The following ASIC2 variants were observed in gnomAD, a reference collection of about 807,000 sequenced individuals.
ASIC2 encodes acid-sensing ion channel 2.
Under a neutral mutation model 57.3 loss-of-function variants are expected in ASIC2, and 25 were observed. That is an observed-to-expected ratio of 0.44 (90% CI 0.32 to 0.61). The LOEUF is 0.61. Ranked by LOEUF, ASIC2 falls within the 20% of genes least tolerant of loss-of-function variation. The pLI is 0.06. For missense variants in ASIC2, 641 were observed against 738.1 expected, an observed-to-expected ratio of 0.87 and a Z score of 1.52; for synonymous variants, 319 against 307.5, an observed-to-expected ratio of 1.04 and a Z score of -0.39.
chr17:33,941,257 G>A (rs1916186595), intron 1 of ASIC2, among the ~76,000 whole-genome samples: 1 of 152,210 alleles, frequency 6.6e-6, no homozygotes, highest in African/African-American at 2.4e-5. Context: ...AGCCCACACA[G>A]ACAGGAGAGT....
intron 1 of ASIC2, among the ~76,000 whole-genome samples, chr17:33,632,263 T>C (rs925822729): frequency 3.9e-5 from 6 of 152,228 alleles, no homozygotes. Context: ...TTTAAGAATG[T>C]CTAATGTTAG....
At chr17:33,779,357 G>GA (rs997839746) in intron 1 of ASIC2, among the ~76,000 whole-genome samples, 223 of 149,568 alleles carry the variant, frequency 1.5e-3, no homozygotes, top group African/African-American at 4.8e-3. Flanking sequence ...CTCAACACAA[G>GA]AAAAAAAAAA....
Position 33,486,312 on chromosome 17 carries a change from T to C in ASIC2, c.556-374245A>G, listed in dbSNP as rs1913573674. Among the ~76,000 whole-genome samples the C allele has an allele frequency of 2.6e-5, 4 of 152,224 alleles. 1 individual carries two copies. In the South Asian group the frequency reaches 6.2e-4, roughly 24 times the overall value. ...TATAGATGCCCCCAAAGTTCAGAGATGTTAAGTAACTTCTGCAAGGTCACA... is the reference window on the plus strand; with the variant it reads ...TATAGATGCCCCCAAAGTTCAGAGACGTTAAGTAACTTCTGCAAGGTCACA... On this transcript the variant is annotated intron_variant, in intron 1 of 9. Coordinates refer to the ASIC2 transcript ENST00000359872.
intron 1 of ASIC2, among the ~76,000 whole-genome samples, chr17:33,381,911 AG>A (rs1411745404): frequency 6.6e-6 from 1 of 152,208 alleles, no homozygotes; most frequent in African/African-American, 2.4e-5. Flanking sequence ...AACCAAAGTG[AG>A]GGATACACAC....
chr17:33,592,950 T>G (rs1904868319), intron 1 of ASIC2, among the ~76,000 whole-genome samples: 1 of 152,196 alleles, frequency 6.6e-6, no homozygotes, highest in African/African-American at 2.4e-5. Flanking sequence ...GTTTTATAAT[T>G]TGCAGCTTAC....
chr17:33,194,286 C>A (rs1404889168), intron 1 of ASIC2, among the ~76,000 whole-genome samples: 1 of 152,224 alleles, frequency 6.6e-6, no homozygotes, highest in Non-Finnish European at 1.5e-5. Context: ...GAGGCCATTG[C>A]TGATCTCCAC....
intron 1 of ASIC2, among the ~76,000 whole-genome samples, chr17:33,361,680 T>C (rs557297422): frequency 2.6e-4 from 39 of 152,102 alleles, no homozygotes; most frequent in African/African-American, 8.4e-4. Flanking sequence ...GTTTAGAGAG[T>C]CTTACCGAAG....
chr17:33,292,725 AC>A lies in ASIC2; in HGVS notation c.-611del. 2 of 985,618 alleles carry A rather than the reference AC, an allele frequency of 2.0e-6. No homozygotes were observed. Among genetic ancestry groups the A allele is most frequent in the Non-Finnish European group, 2.4e-6 (2 of 830,372 alleles). 61.1% of individuals were successfully genotyped at this position (985,618 alleles called of 1,614,324 possible). ...GGCTGGGCGGGCGGGGTGGGTGTGT[AC>A]GGGGGTGAGTGGTCGCCTTGCCGGC... is the stretch of plus-strand genomic sequence containing the variant. On this transcript the variant is annotated 5_prime_UTR_variant, in exon 1 of 10. Coordinates refer to ENST00000225823, the MANE Select transcript of ASIC2 (RefSeq NM_183377.2).
At chr17:33,612,076 C>G (rs1405038015) in intron 1 of ASIC2, among the ~76,000 whole-genome samples, 1 of 152,196 alleles carries the variant, frequency 6.6e-6, no homozygotes, top group African/African-American at 2.4e-5. Context: ...GGCAATGAAA[C>G]AGAGAGAAGG....
chr17:33,528,296 G>C (rs1308994891), intron 1 of ASIC2, among the ~76,000 whole-genome samples: 26 of 151,844 alleles, frequency 1.7e-4, no homozygotes, highest in Admixed American at 1.7e-3. Flanking sequence ...TGGGCTTCCT[G>C]TGGGGAAAAA....
intron 1 of ASIC2, among the ~76,000 whole-genome samples, chr17:34,101,181 C>G (rs1194321867): frequency 6.6e-6 from 1 of 152,178 alleles, no homozygotes; most frequent in Non-Finnish European, 1.5e-5. Context: ...GAGATCTATT[C>G]CTCGACTCTG....
chr17:33,894,991 G>C (rs937724851), intron 1 of ASIC2, among the ~76,000 whole-genome samples: 1 of 152,146 alleles, frequency 6.6e-6, no homozygotes, highest in Non-Finnish European at 1.5e-5. Context: ...TGCAATTAGA[G>C]CCCATATTGG....
At chr17:33,750,269 C>T (rs1007065585) in intron 1 of ASIC2, among the ~76,000 whole-genome samples, 2 of 152,134 alleles carry the variant, frequency 1.3e-5, no homozygotes, top group African/African-American at 4.8e-5. Context: ...CCCTGGGCAA[C>T]CCCTTCCTCT....
chr17:33,642,436 A>G (rs1010520399), intron 1 of ASIC2, among the ~76,000 whole-genome samples: 13 of 152,154 alleles, frequency 8.5e-5, no homozygotes, highest in Non-Finnish European at 1.5e-5. Context: ...AAAGTTCCAA[A>G]GTCAATTCCA....
At chr17:33,218,169 T>G (rs1907565418) in intron 1 of ASIC2, among the ~76,000 whole-genome samples, 1 of 152,248 alleles carries the variant, frequency 6.6e-6, no homozygotes, top group Non-Finnish European at 1.5e-5. Flanking sequence ...CTGTGGGCTG[T>G]GTTCTCAGTC....
At position 33,464,482 on chromosome 17, in the gene ASIC2, C is replaced by CTCTT. The variant is rs1211673507; in HGVS notation, c.556-352419_556-352416dup. 2.5e-3 allele frequency among the ~76,000 whole-genome samples: 159 copies of CTCTT among 63,588 alleles called. 2 individuals carry two copies. The highest frequency in any genetic ancestry group is 0.019 in the Admixed American group (119 of 6,186). The allele number at this position is 63,588 out of a possible 152,430, so 41.7% of individuals were successfully genotyped here. On this transcript the variant is annotated intron_variant, in intron 1 of 9. Coordinates refer to the ASIC2 transcript ENST00000359872. ...CTCTTTCTTTCTTTCTTTCTTTTCT[C>CTCTT]TCTTTCTTTCTTTCTTTCTTTCTTT...
chr17:33,591,689 T>C (rs1311948990), intron 1 of ASIC2, among the ~76,000 whole-genome samples: 2 of 152,184 alleles, frequency 1.3e-5, no homozygotes, highest in Non-Finnish European at 2.9e-5. Context: ...ATGTCTTGAC[T>C]GATATAGGGG....
chr17:33,110,823 C>T (rs2092255095), intron 2 of ASIC2, among the ~76,000 whole-genome samples: 1 of 152,158 alleles, frequency 6.6e-6, no homozygotes, highest in South Asian at 2.1e-4. Flanking sequence ...ACCCTTTCCT[C>T]AGCCCCAACC....
intron 1 of ASIC2, among the ~76,000 whole-genome samples, chr17:33,392,356 T>A (rs1007907165): frequency 2.6e-4 from 39 of 151,786 alleles, no homozygotes; most frequent in Admixed American, 9.8e-4. Flanking sequence ...CACCATCTAC[T>A]GAGTTGAATA....
Sources: gnomAD v4.1 joint callset for allele counts (sites outside exome capture counted in the v4.1 genomes callset) on GRCh38, gnomAD v4.1.1 for gene constraint, MANE v1.5 for transcripts, NCBI Gene and HGNC (gene_info 2026-07-23, HGNC 2026-07-21) for gene names.